The following NUP107 variants were observed in gnomAD, a reference collection of about 807,000 sequenced individuals.
NUP107 encodes nuclear pore complex protein Nup107.
In NUP107, 101 loss-of-function variants were observed where a neutral mutation model predicts 141.0. That is an observed-to-expected ratio of 0.72 (90% CI 0.61 to 0.84). NUP107 has a LOEUF of 0.84. NUP107 is among the 40% of genes least tolerant of loss of function. The probability of loss-of-function intolerance (pLI) is 0.00; values close to 1 mark genes in which losing one functional copy is unlikely to be tolerated. For missense variants in NUP107, 941 were observed against 1,102.7 expected (o/e 0.85, Z 2.08); for synonymous variants, 319 against 363.9 (o/e 0.88, Z 1.41).
chr12:68,725,837 GTTTTT>G, intron 18 of NUP107, 41 bp downstream of exon 18: 9 of 620,158 alleles, frequency 1.5e-5, no homozygotes, highest in Admixed American at 3.5e-5. Flanking sequence ...TTTTGTGTGT[GTTTTT>G]TTTTTTTTTT....
At chr12:68,738,842 GTGACCC>G (rs1457207536) in intron 26 of NUP107, among the ~76,000 whole-genome samples, 1 of 152,138 alleles carries the variant, frequency 6.6e-6, no homozygotes, top group Non-Finnish European at 1.5e-5. Context: ...AGATGGACTA[GTGACCC>G]TTTCAGAATA....
chr12:68,690,936 T>C (rs553289414), intron 4 of NUP107, among the ~76,000 whole-genome samples, 190 bp downstream of exon 4: 2 of 152,006 alleles, frequency 1.3e-5, no homozygotes, highest in East Asian at 3.9e-4. Context: ...AAAAATTAGC[T>C]GGGAGTGGTG....
At chr12:68,713,400 A>G (rs1045974641) in intron 10 of NUP107, among the ~76,000 whole-genome samples, 5 of 150,744 alleles carry the variant, frequency 3.3e-5, no homozygotes, top group African/African-American at 9.7e-5. Context: ...AAAACCCACC[A>G]TTAAGAAAAT....
chr12:68,721,251 T>C (rs1877337160), intron 15 of NUP107, 74 bp downstream of exon 15: 1 of 964,552 alleles, frequency 1.0e-6, no homozygotes. Context: ...CAATTGTATA[T>C]AACAAATATA....
intron 7 of NUP107, 117 bp downstream of exon 7, chr12:68,700,970 T>G: frequency 1.0e-6 from 1 of 990,950 alleles, no homozygotes; most frequent in Non-Finnish European, 1.4e-6. Flanking sequence ...TTTTTGATGC[T>G]TATCATTTCG....
chr12:68,691,061 G>A (rs1375537993), intron 4 of NUP107, among the ~76,000 whole-genome samples: 1 of 151,868 alleles, frequency 6.6e-6, no homozygotes, highest in Non-Finnish European at 1.5e-5. Flanking sequence ...AGAGAAAAAA[G>A]AACTTCTCCC....
intron 18 of NUP107, 71 bp from the exon 19 acceptor site, chr12:68,726,428 T>G: frequency 1.0e-6 from 1 of 963,346 alleles, no homozygotes; most frequent in East Asian, 2.4e-5. Context: ...GAAATAAATG[T>G]TCTTGGTAAT....
At chr12:68,707,031 GA>G (rs1411465272) in intron 8 of NUP107, 5 of 602,696 alleles carry the variant, frequency 8.3e-6, no homozygotes, top group African/African-American at 3.7e-5. Flanking sequence ...ACCCACGATG[GA>G]AAGCTAGTGT....
intron 4 of NUP107, among the ~76,000 whole-genome samples, chr12:68,691,029 G>A (rs920735045): frequency 1.3e-4 from 19 of 151,514 alleles, no homozygotes; most frequent in African/African-American, 4.1e-4. Context: ...GCAGTGACCT[G>A]TGATTGCAAA....
chr12:68,731,215 G>A lies in NUP107; in HGVS notation c.1840G>A (p.Glu614Lys). The A allele has an allele frequency of 1.2e-6, 2 of 1,612,246 alleles. No individual in the cohort carries two copies. The highest frequency in any genetic ancestry group is 1.7e-6 in the Non-Finnish European group (2 of 1,179,234). The change falls in exon 21 of 28, where the codon GAA becomes AAA. Residue 614 changes from glutamate to lysine, a missense_variant. Coordinates refer to ENST00000229179, the MANE Select transcript of NUP107 (RefSeq NM_020401.4). ...TGCATTATTTTTGGAAAGTGTTACA[G>A]AATTTGAACAGCGCCACCATTGCCT... is the stretch of plus-strand genomic sequence containing the variant. The part of the protein sequence containing the change: ...QYALFLESVT[E>K]FEQRHHCLEL...
At chr12:68,689,139 A>C in intron 2 of NUP107, 86 bp downstream of exon 2, 1 of 990,084 alleles carries the variant, frequency 1.0e-6, no homozygotes. Flanking sequence ...TAAGAGTATT[A>C]AATGGTAGCT....
chr12:68,687,592 G>A (rs574376367), intron 1 of NUP107: 1 of 986,482 alleles, frequency 1.0e-6, no homozygotes, highest in South Asian at 4.7e-5. Flanking sequence ...GTGTAAAGTG[G>A]TAAGTGTTTG....
chr12:68,741,975 T>C lies in NUP107; in HGVS notation c.2665T>C (p.Tyr889His), dbSNP rs995150681. ...DMVSSERHKLYLVFSKEELRK... is the reference protein window; with the variant it reads ...DMVSSERHKLHLVFSKEELRK... ...GGTATCCTCTGAGCGCCACAAACTG[T>C]ACCTGGTAAGTTCTAGAGCCTTGTA... The change falls in exon 27 of 28, where the codon TAC becomes CAC. Residue 889 changes from tyrosine (Y) to histidine (H), a missense_variant. Coordinates refer to ENST00000229179, the MANE Select transcript of NUP107 (RefSeq NM_020401.4). The C allele has an allele frequency of 6.9e-6, 11 of 1,601,238 alleles. No homozygotes were observed. The highest frequency in any genetic ancestry group is 9.4e-6 in the Non-Finnish European group (11 of 1,172,614).
intron 20 of NUP107, among the ~76,000 whole-genome samples, chr12:68,729,645 G>A (rs567193257): frequency 2.0e-5 from 3 of 152,044 alleles, no homozygotes; most frequent in South Asian, 2.1e-4. Context: ...GTTTCACCAC[G>A]TTGGCCAGGC....
At chr12:68,690,789 G>A in intron 4 of NUP107, 43 bp downstream of exon 4, 2 of 1,597,838 alleles carry the variant, frequency 1.3e-6, no homozygotes, top group Admixed American at 1.7e-5. Flanking sequence ...TGGGTCGAGT[G>A]TGGTGGCTCA....
intron 5 of NUP107, among the ~76,000 whole-genome samples, chr12:68,695,526 A>G (rs75185887): frequency 1.5e-3 from 231 of 152,360 alleles, no homozygotes; most frequent in Non-Finnish European, 2.8e-3. Flanking sequence ...CAAAAGGGCA[A>G]TACTCTATGG....
At chr12:68,734,896 A>C in intron 25 of NUP107, 63 bp downstream of exon 25, 1 of 1,532,574 alleles carries the variant, frequency 6.5e-7, no homozygotes, top group East Asian at 2.3e-5. Context: ...TGTATATTTA[A>C]AGAGATCGTT....
intron 4 of NUP107, 86 bp from the exon 5 acceptor site, chr12:68,691,882 G>T: frequency 7.9e-5 from 79 of 997,146 alleles, no homozygotes; most frequent in Non-Finnish European, 9.6e-5. Flanking sequence ...ATAATTTTTA[G>T]AAACCTTATT....
At position 68,745,185 on chromosome 12, in the gene NUP107, G is replaced by C. The variant is rs898037790; in HGVS notation, c.*2723G>C. The C allele has an allele frequency of 6.6e-6, 1 of 151,978 alleles. No homozygotes were observed. The highest frequency in any genetic ancestry group is 1.5e-5 in the Non-Finnish European group (1 of 67,984). The allele number at this position is 151,978 out of a possible 1,614,324, so 9.4% of individuals were successfully genotyped here. On this transcript the variant is annotated 3_prime_UTR_variant, in exon 28 of 28. Transcript: ENST00000229179. The stretch of plus-strand genomic sequence containing the variant: ...CCCACGTCAGTCTCTCAAATAGCTG[G>C]GACTACAGGCCCACGCCACCATGCC...
Sources: gnomAD v4.1 joint callset for allele counts (sites outside exome capture counted in the v4.1 genomes callset) on GRCh38, gnomAD v4.1.1 for gene constraint, MANE v1.5 for transcripts, NCBI Gene and HGNC (gene_info 2026-07-23, HGNC 2026-07-21) for gene names.